Variants in RNF220 observed in about 807,000 individuals in gnomAD.
The protein encoded by RNF220 is ring finger protein 220.
A neutral mutation model predicts 67.1 loss-of-function variants in RNF220; 7 were observed. The ratio of observed to expected loss-of-function variants is 0.10; its 90% confidence interval spans 0.06 to 0.20. The LOEUF is 0.20. Among genes scored for constraint, RNF220 ranks in the 10% least tolerant of loss-of-function variants. The pLI is 1.00. For synonymous variants in RNF220, 270 were observed against 283.2 expected, an observed-to-expected ratio of 0.95 and a Z score of 0.47; for missense variants, 565 against 740.3, an observed-to-expected ratio of 0.76 and a Z score of 2.75.
chr1:44,461,827 G>C (rs1418042405), intron 2 of RNF220, among the ~76,000 whole-genome samples: 2 of 152,030 alleles, frequency 1.3e-5, no homozygotes, highest in African/African-American at 2.4e-5. Context: ...CTTGTTAATG[G>C]CTGGTCAAAA....
chr1:44,602,964 C>T lies in RNF220; in HGVS notation c.626-11201C>T, dbSNP rs539076538. On this transcript the variant is annotated intron_variant, in intron 2 of 14. Transcript: ENST00000361799. ...TGCCTGCTCCCTGCCTCCTTCTCTC[C>T]GAGTCCACACCACCCCTCCTCCTCC... Among the ~76,000 whole-genome samples, 27 of 152,162 alleles carry T rather than the reference C, an allele frequency of 1.8e-4. 1 individual carries two copies. In the South Asian group the frequency reaches 1.9e-3, roughly 11 times the overall value.
At chr1:44,541,618 G>T (rs542986231) in intron 2 of RNF220, among the ~76,000 whole-genome samples, 1 of 152,120 alleles carries the variant, frequency 6.6e-6, no homozygotes, top group African/African-American at 2.4e-5. Flanking sequence ...CTTACTTCAC[G>T]GTCCCATCTT....
Position 44,620,991 on chromosome 1 carries a change from C to T in RNF220, c.759-1751C>T, listed in dbSNP as rs1009383915. On this transcript the variant is annotated intron_variant, in intron 3 of 14. Transcript: ENST00000361799. Reference sequence around the variant, plus strand: ...AGTACAGTGGCGCAATCTCGGCTCACTCCAACTTCTCCCTCCTGGATTCAA... The same window carrying T: ...AGTACAGTGGCGCAATCTCGGCTCATTCCAACTTCTCCCTCCTGGATTCAA... Among the ~76,000 whole-genome samples, 5 of 151,124 alleles carry T rather than the reference C, an allele frequency of 3.3e-5. No individual in the cohort carries two copies. The South Asian group carries it at 1.0e-3, about 32-fold the overall frequency.
At chr1:44,518,889 C>CAA (rs71036682) in intron 2 of RNF220, among the ~76,000 whole-genome samples, 32 of 141,096 alleles carry the variant, frequency 2.3e-4, no homozygotes, top group South Asian at 4.5e-4. Context: ...ACAAAAAAAA[C>CAA]AAAAAAAAAA....
chr1:44,552,566 C>CTTTTTTT (rs57847805), intron 2 of RNF220, among the ~76,000 whole-genome samples: 26 of 83,728 alleles, frequency 3.1e-4, no homozygotes, highest in African/African-American at 1.2e-3. Flanking sequence ...TAAACTTCTT[C>CTTTTTTT]TTTTTTTTTT....
At chr1:44,408,290 C>T (rs1327285297) in intron 1 of RNF220, among the ~76,000 whole-genome samples, 2 of 152,248 alleles carry the variant, frequency 1.3e-5, no homozygotes, top group Non-Finnish European at 2.9e-5. Flanking sequence ...GGATTCGCAC[C>T]CTTTGGCCAA....
intron 2 of RNF220, among the ~76,000 whole-genome samples, chr1:44,604,541 G>A (rs1446832466): frequency 6.6e-6 from 1 of 152,276 alleles, no homozygotes; most frequent in Non-Finnish European, 1.5e-5. Context: ...TTTGGCCGGA[G>A]CAAAGGCTCA....
At chr1:44,498,926 T>C (rs1657585714) in intron 2 of RNF220, among the ~76,000 whole-genome samples, 2 of 152,156 alleles carry the variant, frequency 1.3e-5, no homozygotes, top group Admixed American at 1.3e-4. Context: ...TTGTCCTCTA[T>C]CCCACCTCAG....
chr1:44,479,076 G>A (rs1455963581), intron 2 of RNF220, among the ~76,000 whole-genome samples: 1 of 151,676 alleles, frequency 6.6e-6, no homozygotes, highest in Non-Finnish European at 1.5e-5. Context: ...CGTTGGAGCA[G>A]GCAGTCTTTC....
intron 2 of RNF220, among the ~76,000 whole-genome samples, chr1:44,430,041 G>A (rs67875295): frequency 0.063 from 9,461 of 149,996 alleles, 341 homozygotes; most frequent in African/African-American, 0.083. Context: ...AGTTAGAGCC[G>A]TAAGTGCTTA....
At chr1:44,632,518 T>A (rs1365206897) in intron 6 of RNF220, 133 bp downstream of exon 6, 46 of 874,080 alleles carry the variant, frequency 5.3e-5, no homozygotes, top group Non-Finnish European at 8.1e-5. Context: ...TCACGGCGCC[T>A]GAGTATGTGC....
intron 2 of RNF220, among the ~76,000 whole-genome samples, chr1:44,452,498 C>T (rs1016631956): frequency 3.3e-5 from 5 of 152,110 alleles, no homozygotes; most frequent in African/African-American, 1.2e-4. Flanking sequence ...AGGTTGCAGT[C>T]AGCCGAGATC....
chr1:44,518,414 GTGAGATCC>G (rs1659632084), intron 2 of RNF220, among the ~76,000 whole-genome samples: 1 of 152,134 alleles, frequency 6.6e-6, no homozygotes, highest in Admixed American at 6.5e-5. Flanking sequence ...GGGTGACAGA[GTGAGATCC>G]TGTCTCTAAA....
At chr1:44,550,566 G>C (rs1281727776) in intron 2 of RNF220, among the ~76,000 whole-genome samples, 1 of 152,178 alleles carries the variant, frequency 6.6e-6, no homozygotes, top group East Asian at 1.9e-4. Context: ...AGGAGAGCAA[G>C]ATACCTTGAA....
At position 44,412,000 on chromosome 1, in the gene RNF220, C is replaced by T; in HGVS notation, c.-98C>T. ...CTACAGGTCTTAGGAGGGAATGATT[C>T]CCCAGTAATATTCCCTGCCCTGACC... is the stretch of plus-strand genomic sequence containing the variant. On this transcript the variant is annotated 5_prime_UTR_variant, in exon 2 of 15. Coordinates refer to ENST00000361799, the MANE Select transcript of RNF220 (RefSeq NM_018150.4). 7.4e-7 allele frequency: 1 copy of T among 1,344,556 alleles called. No individual in the cohort carries two copies. Among genetic ancestry groups the T allele is most frequent in the Admixed American group, 2.3e-5 (1 of 42,640 alleles). 83.3% of individuals were successfully genotyped at this position (1,344,556 alleles called of 1,614,324 possible).
At chr1:44,524,636 T>C (rs1261451601) in intron 2 of RNF220, among the ~76,000 whole-genome samples, 1 of 152,250 alleles carries the variant, frequency 6.6e-6, no homozygotes, top group African/African-American at 2.4e-5. Context: ...TCTGTCTCTC[T>C]CTATTTTTAT....
chr1:44,606,123 C>T lies in RNF220; in HGVS notation c.626-8042C>T, dbSNP rs1004028293. 3.3e-5 allele frequency among the ~76,000 whole-genome samples: 5 copies of T among 152,356 alleles called. No individual in the cohort carries two copies. In the East Asian group the frequency reaches 5.8e-4, roughly 18 times the overall value. ...ATTCAAATCCGCTGCCCCGCCCCAG[C>T]GGGAGGCCCCAGCCAGACAAGTGTA... On this transcript the variant is annotated intron_variant, in intron 2 of 14. Coordinates refer to ENST00000361799, the MANE Select transcript of RNF220 (RefSeq NM_018150.4). This position sits in a 1 kb window ranked among gnomAD's most constrained non-coding sequence, Gnocchi z 4.2.
chr1:44,443,517 G>A (rs141567000), intron 2 of RNF220, among the ~76,000 whole-genome samples: 281 of 152,186 alleles, frequency 1.8e-3, no homozygotes, highest in Non-Finnish European at 3.0e-3. Context: ...ACTTGTTCAT[G>A]TCACCTGCCT....
intron 2 of RNF220, among the ~76,000 whole-genome samples, chr1:44,484,118 T>C (rs773328767): frequency 6.6e-6 from 1 of 152,156 alleles, no homozygotes; most frequent in Non-Finnish European, 1.5e-5. Flanking sequence ...TCAGGGTTTA[T>C]TAGGGTAGGC....
Sources: allele counts gnomAD v4.1 joint callset (sites outside exome capture counted in the v4.1 genomes callset), GRCh38; gene constraint gnomAD v4.1.1; non-coding constraint Gnocchi (gnomAD v3.1); transcripts MANE v1.5; gene names NCBI Gene and HGNC (gene_info 2026-07-23, HGNC 2026-07-21).